The following TCF4 variants were observed in gnomAD, a reference collection of about 807,000 sequenced individuals.
TCF4 encodes transcription factor 4.
A neutral mutation model predicts 82.1 loss-of-function variants in TCF4; 3 were observed. The ratio of observed to expected loss-of-function variants is 0.04; its 90% confidence interval spans 0.02 to 0.09. The LOEUF is 0.09. Ranked by LOEUF, TCF4 falls within the 10% of genes least tolerant of loss-of-function variation. TCF4 has a pLI of 1.00. For missense variants in TCF4, 518 were observed against 852.7 expected (o/e 0.61, Z 4.89); for synonymous variants, 276 against 309.6 (o/e 0.89, Z 1.14).
At chr18:55,568,179 AC>A (rs1449852706) in intron 3 of TCF4, among the ~76,000 whole-genome samples, 27 of 151,068 alleles carry the variant, frequency 1.8e-4, no homozygotes, top group South Asian at 2.1e-4. Flanking sequence ...AAAAAAAAAA[AC>A]AGAATAATAA....
intron 5 of TCF4, among the ~76,000 whole-genome samples, chr18:55,440,350 G>A (rs1350830530): frequency 6.6e-6 from 1 of 152,084 alleles, no homozygotes; most frequent in African/African-American, 2.4e-5. Context: ...AAGCTTTGGG[G>A]TTTTTGGGGT....
intron 3 of TCF4, among the ~76,000 whole-genome samples, chr18:55,539,935 C>T (rs1243095300): frequency 2.0e-5 from 3 of 151,872 alleles, no homozygotes; most frequent in African/African-American, 2.4e-5. Flanking sequence ...CTTCCACTTG[C>T]GCACCGGACA....
intron 8 of TCF4, among the ~76,000 whole-genome samples, chr18:55,314,854 T>C (rs549167028): frequency 6.6e-6 from 1 of 152,228 alleles, no homozygotes; most frequent in South Asian, 2.1e-4. Flanking sequence ...TTTCCCAACA[T>C]AGCAATTCCC....
intron 15 of TCF4, among the ~76,000 whole-genome samples, chr18:55,243,206 T>C (rs2051902285): frequency 6.6e-6 from 1 of 152,246 alleles, no homozygotes; most frequent in Non-Finnish European, 1.5e-5. Context: ...ATGATTTAGA[T>C]ACTGTGTATG....
intron 15 of TCF4, among the ~76,000 whole-genome samples, chr18:55,235,993 A>G (rs563852370): frequency 4.6e-5 from 7 of 152,316 alleles, no homozygotes; most frequent in Admixed American, 1.3e-4. Context: ...AGTATCACCT[A>G]TAATATTTTG....
chr18:55,523,743 A>T (rs1354957548), intron 3 of TCF4, among the ~76,000 whole-genome samples: 1 of 151,918 alleles, frequency 6.6e-6, no homozygotes, highest in Non-Finnish European at 1.5e-5. Flanking sequence ...GGAATTTTTG[A>T]CTTTCCCTTT....
chr18:55,274,704 T>C (rs994714340), intron 10 of TCF4, among the ~76,000 whole-genome samples: 1 of 152,174 alleles, frequency 6.6e-6, no homozygotes, highest in Non-Finnish European at 1.5e-5. Flanking sequence ...GCTTTCGCAT[T>C]TGTAGGATGT....
intron 8 of TCF4, among the ~76,000 whole-genome samples, chr18:55,307,757 A>G (rs989064003): frequency 6.6e-6 from 1 of 152,246 alleles, no homozygotes; most frequent in Non-Finnish European, 1.5e-5. Flanking sequence ...TATTACAAAC[A>G]AAATGATGGC....
At chr18:55,598,355 T>C (rs925710537) in intron 2 of TCF4, among the ~76,000 whole-genome samples, 19 of 152,200 alleles carry the variant, frequency 1.2e-4, no homozygotes, top group South Asian at 4.1e-4. Context: ...ACCCAGCAAA[T>C]TTGGATCCAT....
intron 8 of TCF4, among the ~76,000 whole-genome samples, chr18:55,312,677 T>C (rs543664454): frequency 6.6e-6 from 1 of 152,306 alleles, no homozygotes; most frequent in South Asian, 2.1e-4. Flanking sequence ...GGATCTGCTA[T>C]TACAGGAATC....
At chr18:55,239,714 A>C (rs1323976682) in intron 15 of TCF4, among the ~76,000 whole-genome samples, 1 of 152,250 alleles carries the variant, frequency 6.6e-6, no homozygotes, top group African/African-American at 2.4e-5. Flanking sequence ...AAACAGATTT[A>C]AAAGACATGC....
intron 8 of TCF4, among the ~76,000 whole-genome samples, chr18:55,325,183 C>T (rs2076342077): frequency 6.6e-6 from 1 of 152,056 alleles, no homozygotes; most frequent in African/African-American, 2.4e-5. Context: ...CTATATTCAA[C>T]CATTTCATGA....
At chr18:55,275,521 C>G in intron 10 of TCF4, 98 bp downstream of exon 10, 8 of 1,549,798 alleles carry the variant, frequency 5.2e-6, no homozygotes, top group Non-Finnish European at 6.2e-6. Flanking sequence ...CATTTTTGCA[C>G]TTATTTGCAG....
intron 3 of TCF4, among the ~76,000 whole-genome samples, chr18:55,523,527 A>C (rs915583669): frequency 6.6e-6 from 1 of 152,066 alleles, no homozygotes; most frequent in African/African-American, 2.4e-5. Flanking sequence ...AATTGTATGT[A>C]TATGTGTACA....
chr18:55,366,038 T>C (rs1184169505), intron 6 of TCF4, among the ~76,000 whole-genome samples: 2 of 150,508 alleles, frequency 1.3e-5, no homozygotes, highest in African/African-American at 4.9e-5. Flanking sequence ...ATATAAGACA[T>C]ATATAGACCA....
intron 2 of TCF4, among the ~76,000 whole-genome samples, chr18:55,610,670 A>C (rs916607944): frequency 1.3e-5 from 2 of 152,220 alleles, no homozygotes; most frequent in Admixed American, 1.3e-4. Flanking sequence ...ACAGGAAGAT[A>C]TCCATCAAGA....
At chr18:55,267,190 A>G (rs1020218153) in intron 11 of TCF4, 5 of 152,152 alleles carry the variant, frequency 3.3e-5, no homozygotes, top group African/African-American at 1.2e-4. Context: ...GTAATCTCAA[A>G]CATGTGTCAG....
chr18:55,259,824 T>C, intron 13 of TCF4, 125 bp downstream of exon 13: 1 of 818,192 alleles, frequency 1.2e-6, no homozygotes, highest in Non-Finnish European at 2.1e-6. Flanking sequence ...ATTTGTCTGT[T>C]ATAGGAATGT....
intron 8 of TCF4, among the ~76,000 whole-genome samples, chr18:55,320,190 TAA>T (rs571799875): frequency 1.4e-5 from 2 of 143,368 alleles, no homozygotes; most frequent in African/African-American, 2.5e-5. Context: ...ATGTACTTGT[TAA>T]AAAAAAAAAA....
Sources: gnomAD v4.1 joint callset for allele counts (sites outside exome capture counted in the v4.1 genomes callset) on GRCh38, gnomAD v4.1.1 for gene constraint, MANE v1.5 for transcripts, NCBI Gene and HGNC (gene_info 2026-07-23, HGNC 2026-07-21) for gene names.